Variants in MED13 observed in about 807,000 individuals in gnomAD.
MED13 encodes mediator complex subunit 13.
Under a neutral mutation model 225.2 loss-of-function variants are expected in MED13, and 23 were observed. That is an observed-to-expected ratio of 0.10 (90% CI 0.07 to 0.14). The LOEUF (loss-of-function observed/expected upper bound fraction) is 0.14, where lower values mean the gene tolerates loss of function less well. MED13 is among the 10% of genes least tolerant of loss of function. The pLI is 1.00. For missense variants in MED13, 2,197 were observed against 2,594.5 expected, an observed-to-expected ratio of 0.85 and a Z score of 3.33; for synonymous variants, 942 against 889.2, an observed-to-expected ratio of 1.06 and a Z score of -1.06.
At position 62,010,754 on chromosome 17, in the gene MED13, G is replaced by A. The variant is rs752836923; in HGVS notation, c.1763C>T (p.Pro588Leu). 1.2e-6 allele frequency: 2 copies of A among 1,614,020 alleles called. No homozygotes were observed. The highest frequency in any genetic ancestry group is 1.1e-5 in the South Asian group (1 of 91,054). The change falls in exon 9 of 30, where the codon CCT (proline) becomes CTT (leucine). Residue 588 changes from proline (P) to leucine (L), a missense_variant. Physicochemically the swap from Pro to Leu is moderately conservative, Grantham distance 98. This residue lies in a region of MED13 where 884 missense variants were observed against 918.5 expected (regional missense o/e 0.96). Transcript: ENST00000397786. ...AGGTTCTACAGCTTCCTGATATTGA[G>A]GTGGGAAAGACTGGGACAAACTGTC... ...RIDSLSQSFP[P>L]QYQEAVEPTV...
At chr17:62,032,324 T>C (rs1340500201) in intron 5 of MED13, 1 of 151,284 alleles carries the variant, frequency 6.6e-6, no homozygotes, top group Non-Finnish European at 1.5e-5. Context: ...AAATACAAAA[T>C]TTAGCTGGGC....
Position 61,966,493 on chromosome 17 carries a change from C to A in MED13, c.4350G>T (p.Lys1450Asn). ...DGNNEAFSKL[K>N]LYAQVCRYDL... is the part of the protein sequence containing the mutation. ...CATATCTGCAGACTTGTGCATAAAGCTTGAGTTTAGAAAATGCTTCATTGT... is the reference window on the plus strand; with the variant it reads ...CATATCTGCAGACTTGTGCATAAAGATTGAGTTTAGAAAATGCTTCATTGT... Residue 1450 changes from lysine to asparagine, a missense_variant, in exon 19 of 30, where the codon AAG becomes AAT. Physicochemically the swap from Lys to Asn is moderately conservative, Grantham distance 94 (BLOSUM62 0). Around this residue, in one of 12 missense-constraint regions of MED13, gnomAD observed 457 missense variants for 442.2 expected, o/e 1.03. Coordinates refer to ENST00000397786, the MANE Select transcript of MED13 (RefSeq NM_005121.3). The A allele has an allele frequency of 6.2e-7, 1 of 1,613,510 alleles. No homozygotes were observed. The highest frequency in any genetic ancestry group is 1.3e-5 in the African/African-American group (1 of 75,010).
chr17:62,005,993 AAC>A (rs2080443454), intron 9 of MED13: 1 of 152,220 alleles, frequency 6.6e-6, no homozygotes, highest in South Asian at 2.1e-4. Flanking sequence ...TAGGTATTTT[AAC>A]AGAGAATAAA....
chr17:61,972,907 A>T lies in MED13; in HGVS notation c.3806-19T>A. On this transcript the variant is annotated intron_variant, in intron 16 of 29. Transcript: ENST00000397786. ...CTCACATCTACAAGCATTTTAAAAA[A>T]AACAAGTAATTAAGAATTGCTATTG... 1 of 1,566,478 alleles carries T rather than the reference A, an allele frequency of 6.4e-7. No individual in the cohort carries two copies. Among genetic ancestry groups the T allele is most frequent in the Non-Finnish European group, 8.6e-7 (1 of 1,162,076 alleles).
Position 61,995,107 on chromosome 17 carries a change from T to C in MED13, c.2181+45A>G, listed in dbSNP as rs370174435. 131 of 1,346,496 alleles carry C rather than the reference T, an allele frequency of 9.7e-5. 2 individuals are homozygous for C. The African/African-American group carries it at 1.8e-3, about 19-fold the overall frequency. 83.4% of individuals were successfully genotyped at this position (1,346,496 alleles called of 1,614,324 possible). A position where few individuals can be genotyped will look rare whatever the true frequency, so the allele number is the denominator to read the frequency against. ...GTAAGAGTGTTACTATATGCAGTGC[T>C]ACAAAATCAACAGTGACCCTTTGGT... On this transcript the variant is annotated intron_variant, in intron 10 of 29. Transcript: ENST00000397786.
chr17:62,034,109 T>G (rs1040919980), intron 4 of MED13, 125 bp from the exon 5 acceptor site: 2 of 739,062 alleles, frequency 2.7e-6, no homozygotes, highest in African/African-American at 3.5e-5. Context: ...TAATAACCAT[T>G]CCAGAGAAAA....
chr17:62,003,417 C>T lies in MED13; in HGVS notation c.1967+7133G>A, dbSNP rs562163195. 5.9e-5 allele frequency among the ~76,000 whole-genome samples: 9 copies of T among 151,950 alleles called. No individual in the cohort carries two copies. In the South Asian group the frequency reaches 1.0e-3, roughly 18 times the overall value. ...GGTCAGGAGTTCGAGACCAGCCTGA[C>T]CAACATGGTGACACCTCGTCTCTAC... is the stretch of plus-strand genomic sequence containing the variant. On this transcript the variant is annotated intron_variant, in intron 9 of 29. Transcript: ENST00000397786.
intron 2 of MED13, among the ~76,000 whole-genome samples, chr17:62,053,393 C>CT (rs1177889238): frequency 3.3e-5 from 5 of 152,184 alleles, no homozygotes; most frequent in African/African-American, 1.2e-4. Flanking sequence ...GCTATCTTCA[C>CT]TAACTATATA....
Position 61,962,991 on chromosome 17 carries a change from T to C in MED13, c.4845-20A>G. 1.2e-6 allele frequency: 2 copies of C among 1,610,688 alleles called. No homozygotes were observed. Among genetic ancestry groups the C allele is most frequent in the Non-Finnish European group, 1.7e-6 (2 of 1,177,472 alleles). ...ATCGTGCTAAAATTTAAGGTAGAAA[T>C]GAGACAAAAAGTTGTACTGTATATG... On this transcript the variant is annotated intron_variant, in intron 20 of 29. Transcript: ENST00000397786.
intron 26 of MED13, among the ~76,000 whole-genome samples, chr17:61,953,440 G>A (rs1023415492): frequency 1.3e-5 from 2 of 152,148 alleles, no homozygotes; most frequent in Non-Finnish European, 2.9e-5. Flanking sequence ...TTATCCGGGT[G>A]GGTCCAATGT....
At position 61,986,988 on chromosome 17, in the gene MED13, T is replaced by A. The variant is rs764620576; in HGVS notation, c.2385+19A>T. 1 of 1,489,230 alleles carries A rather than the reference T, an allele frequency of 6.7e-7. No individual in the cohort carries two copies. Among genetic ancestry groups the A allele is most frequent in the Admixed American group, 2.4e-5 (1 of 41,868 alleles). The allele number at this position is 1,489,230 out of a possible 1,614,324, so 92.3% of individuals were successfully genotyped here. On this transcript the variant is annotated intron_variant, in intron 12 of 29. Transcript: ENST00000397786. Reference sequence around the variant, plus strand: ...CAAGGAAAACAAATTATAATCCTATTCATTAATGAGATACTCACTGTTAGT... The same window carrying A: ...CAAGGAAAACAAATTATAATCCTATACATTAATGAGATACTCACTGTTAGT...
At chr17:61,985,244 T>C (rs75677535) in intron 12 of MED13, among the ~76,000 whole-genome samples, 154 bp from the exon 13 acceptor site, 5,670 of 152,302 alleles carry the variant, frequency 0.037, 170 homozygotes, top group Non-Finnish European at 0.05. Flanking sequence ...TGTTGAAAGA[T>C]ATAAAATATT....
chr17:62,014,412 G>A (rs951340829), intron 8 of MED13, among the ~76,000 whole-genome samples: 7 of 151,928 alleles, frequency 4.6e-5, no homozygotes, highest in Non-Finnish European at 8.8e-5. Context: ...TGGCTCCTGC[G>A]TTCAAGCGAT....
At position 61,966,608 on chromosome 17, in the gene MED13, G is replaced by C; in HGVS notation, c.4235C>G (p.Thr1412Arg). The C allele has an allele frequency of 6.2e-7, 1 of 1,613,522 alleles. No homozygotes were observed. Among genetic ancestry groups the C allele is most frequent in the Non-Finnish European group, 8.5e-7 (1 of 1,179,770 alleles). The change falls in exon 19 of 30, where the codon ACA (threonine) becomes AGA (arginine). Residue 1412 changes from threonine (T) to arginine (R), a missense_variant. Transcript: ENST00000397786. ...AGATCCAACTCTCATGATCCCATCT[G>C]TTAACAGTCGAGAAACAGGTCTATG... Reference protein sequence around the residue: ...GQHRPVSRLLTDGIMRVGSTA... With the variant: ...GQHRPVSRLLRDGIMRVGSTA...
At chr17:61,979,092 T>G (rs1350205817) in intron 16 of MED13, among the ~76,000 whole-genome samples, 1 of 152,220 alleles carries the variant, frequency 6.6e-6, no homozygotes, top group Non-Finnish European at 1.5e-5. Flanking sequence ...AATAATACAT[T>G]TAGTTGTGCT....
chr17:61,995,352 A>C lies in MED13; in HGVS notation c.1981T>G (p.Cys661Gly). 6.2e-7 allele frequency: 1 copy of C among 1,607,550 alleles called. No individual in the cohort carries two copies. Among genetic ancestry groups the C allele is most frequent in the Non-Finnish European group, 8.5e-7 (1 of 1,177,816 alleles). The change falls in exon 10 of 30, where the codon TGT becomes GGT. Residue 661 changes from cysteine (C) to glycine (G), a missense_variant. By Grantham distance (159) the Cys-to-Gly change is radical. Transcript: ENST00000397786. The stretch of plus-strand genomic sequence containing the variant: ...TCAGAAACTTTTAAAGGTTTCTTAC[A>C]TTGCACCATTAACCTGCATAAAAAA... ...VTSVTELMVQCKKPLKVSDEL... is the reference protein window; with the variant it reads ...VTSVTELMVQGKKPLKVSDEL...
intron 11 of MED13, among the ~76,000 whole-genome samples, chr17:61,989,938 T>C (rs1221502562): frequency 6.6e-6 from 1 of 152,240 alleles, no homozygotes; most frequent in African/African-American, 2.4e-5. Context: ...TTGCTCTGAA[T>C]CTGTAGATCA....
chr17:62,015,796 C>A (rs1465640111), intron 8 of MED13, among the ~76,000 whole-genome samples: 2 of 128,796 alleles, frequency 1.6e-5, no homozygotes, highest in Middle Eastern at 3.8e-3. Context: ...TACACACACA[C>A]TATATATATC....
At chr17:61,954,748 G>C (rs1486975536) in intron 26 of MED13, among the ~76,000 whole-genome samples, 4 of 152,118 alleles carry the variant, frequency 2.6e-5, no homozygotes, top group African/African-American at 9.7e-5. Context: ...CTGCACTCCA[G>C]CTTGGGAGAC....
Sources: gnomAD v4.1 joint callset for allele counts (sites outside exome capture counted in the v4.1 genomes callset) on GRCh38, gnomAD v4.1.1 for gene constraint, gnomAD v4.1.1 regional missense constraint, MANE v1.5 for transcripts, NCBI Gene and HGNC (gene_info 2026-07-23, HGNC 2026-07-21) for gene names.